The following SH3GL3 variants were observed in gnomAD, a reference collection of about 807,000 sequenced individuals.
The protein encoded by SH3GL3 is SH3 domain containing GRB2 like 3, endophilin A3.
A neutral mutation model predicts 47.7 loss-of-function variants in SH3GL3; 33 were observed. That is an observed-to-expected ratio of 0.69 (90% CI 0.52 to 0.92). The LOEUF is 0.92. Among genes scored for constraint, SH3GL3 ranks in the 40% least tolerant of loss-of-function variants. The pLI, the probability that SH3GL3 is intolerant of heterozygous loss-of-function variation, is 0.00. For synonymous variants in SH3GL3, 155 were observed against 148.8 expected (o/e 1.04, Z -0.30); for missense variants, 363 against 417.8 (o/e 0.87, Z 1.14).
chr15:83,573,016 A>G (rs1337968308), intron 5 of SH3GL3, among the ~76,000 whole-genome samples: 1 of 152,210 alleles, frequency 6.6e-6, no homozygotes. Flanking sequence ...TGGATTTCTT[A>G]TTATCAAAAT....
chr15:83,490,657 A>G (rs985167060), intron 1 of SH3GL3: 41 of 1,000,812 alleles, frequency 4.1e-5, no homozygotes, highest in Non-Finnish European at 5.1e-5. Flanking sequence ...CTGGCTTTCT[A>G]TCTGGGCAGG....
chr15:83,519,903 G>A (rs913740308), intron 1 of SH3GL3, among the ~76,000 whole-genome samples: 1 of 152,028 alleles, frequency 6.6e-6, no homozygotes, highest in Non-Finnish European at 1.5e-5. Flanking sequence ...ATTTAGTATT[G>A]TAAGTCAAGA....
chr15:83,515,501 T>G (rs1203839263), intron 1 of SH3GL3, among the ~76,000 whole-genome samples: 1 of 149,854 alleles, frequency 6.7e-6, no homozygotes, highest in Non-Finnish European at 1.5e-5. Context: ...TATTTTGTCC[T>G]GGGGTAAAGG....
downstream of SH3GL3, among the ~76,000 whole-genome samples, chr15:83,621,604 G>T (rs1460873189): frequency 6.6e-6 from 1 of 152,098 alleles, no homozygotes; most frequent in South Asian, 2.1e-4. Context: ...TTAATATATT[G>T]TAAGAATTAC....
At chr15:83,492,161 T>C (rs2151584224) in intron 1 of SH3GL3, among the ~76,000 whole-genome samples, 1 of 151,248 alleles carries the variant, frequency 6.6e-6, no homozygotes, top group South Asian at 2.1e-4. Flanking sequence ...CATGCGCCTG[T>C]AATCCCAGCT....
intron 1 of SH3GL3, among the ~76,000 whole-genome samples, chr15:83,521,157 A>T (rs965816820): frequency 6.6e-6 from 1 of 151,926 alleles, no homozygotes; most frequent in Admixed American, 6.6e-5. Flanking sequence ...ATGTAGATCT[A>T]TCTGCAATGG....
intron 8 of SH3GL3, among the ~76,000 whole-genome samples, chr15:83,591,897 T>A (rs111557264): frequency 0.026 from 3,970 of 152,120 alleles, 178 homozygotes; most frequent in African/African-American, 0.091. Flanking sequence ...GCGGTGTTGA[T>A]CTCCTGACCT....
intron 1 of SH3GL3, among the ~76,000 whole-genome samples, chr15:83,502,960 T>A (rs1234709529): frequency 6.6e-6 from 1 of 152,148 alleles, no homozygotes; most frequent in Non-Finnish European, 1.5e-5. Flanking sequence ...AACTTCTATT[T>A]CCTTTAGGAG....
chr15:83,508,705 G>T (rs548793841), intron 1 of SH3GL3, among the ~76,000 whole-genome samples: 1 of 152,198 alleles, frequency 6.6e-6, no homozygotes, highest in African/African-American at 2.4e-5. Flanking sequence ...AGCCTCCCAA[G>T]TAGCTGGGAT....
intron 1 of SH3GL3, among the ~76,000 whole-genome samples, chr15:83,534,303 T>A (rs975137280): frequency 2.0e-5 from 3 of 152,202 alleles, no homozygotes; most frequent in Non-Finnish European, 4.4e-5. Context: ...CTCTATAAAT[T>A]ACCCAATTGC....
At chr15:83,549,699 T>A (rs2044568164) in intron 1 of SH3GL3, among the ~76,000 whole-genome samples, 1 of 152,234 alleles carries the variant, frequency 6.6e-6, no homozygotes. Context: ...AAGAGGAAAT[T>A]GAACATAGCT....
chr15:83,512,203 A>G (rs2042788013), intron 1 of SH3GL3, among the ~76,000 whole-genome samples: 1 of 151,854 alleles, frequency 6.6e-6, no homozygotes, highest in South Asian at 2.1e-4. Flanking sequence ...TCTTATTGCC[A>G]AGGTCTTGGT....
intron 1 of SH3GL3, among the ~76,000 whole-genome samples, chr15:83,523,292 C>A (rs2043283504): frequency 6.6e-6 from 1 of 152,086 alleles, no homozygotes; most frequent in Non-Finnish European, 1.5e-5. Context: ...GCTAAAATGA[C>A]CCTGTGGAAA....
At chr15:83,460,850 C>T (rs1404227937) in intron 1 of SH3GL3, among the ~76,000 whole-genome samples, 4 of 152,144 alleles carry the variant, frequency 2.6e-5, no homozygotes, top group East Asian at 1.9e-4. Context: ...TTTGGGAGGC[C>T]GTGGCAGGCA....
chr15:83,462,036 A>G lies in SH3GL3; in HGVS notation c.45+14458A>G, dbSNP rs958993521. Among the ~76,000 whole-genome samples, 19 of 152,184 alleles carry G rather than the reference A, an allele frequency of 1.2e-4. 1 individual carries two copies. Among genetic ancestry groups the G allele is most frequent in the East Asian group, 1.9e-4 (1 of 5,198 alleles). On this transcript the variant is annotated intron_variant, in intron 1 of 8. Transcript: ENST00000427482. The stretch of plus-strand genomic sequence containing the variant: ...AATTCTTCTAGGTTCCTCTAATCCA[A>G]TTTTCTCCTATGGAATTTTTAAATA...
chr15:83,449,687 T>A (rs897508269), intron 1 of SH3GL3, among the ~76,000 whole-genome samples: 2 of 151,216 alleles, frequency 1.3e-5, no homozygotes, highest in East Asian at 3.9e-4. Flanking sequence ...ACATTAAAAA[T>A]GAAATGAACA....
At chr15:83,550,358 C>G (rs62027551) in intron 1 of SH3GL3, among the ~76,000 whole-genome samples, 22,455 of 152,080 alleles carry the variant, frequency 0.15, 1,807 homozygotes, top group Middle Eastern at 0.19. Flanking sequence ...TATATGTGCC[C>G]CTTTGGAAAT....
intron 6 of SH3GL3, among the ~76,000 whole-genome samples, chr15:83,586,028 G>C (rs1317512860): frequency 6.6e-6 from 1 of 152,206 alleles, no homozygotes; most frequent in Non-Finnish European, 1.5e-5. Context: ...ATGAAGTATG[G>C]AAATGATGCA....
rs942961812 is a variant in SH3GL3, at chr15:83,555,751, G to T, written c.46-3502G>T. ...AAGCAGAACTTGAACCCAGACTCTG[G>T]TCTCATGGAGCACTTTTAGATCCTT... On this transcript the variant is annotated intron_variant, in intron 1 of 8. Transcript: ENST00000427482. Among the ~76,000 whole-genome samples, 3 of 152,210 alleles carry T rather than the reference G, an allele frequency of 2.0e-5. No individual in the cohort carries two copies. The East Asian group carries it at 5.8e-4, about 29-fold the overall frequency.
Sources: gnomAD v4.1 joint callset for allele counts (sites outside exome capture counted in the v4.1 genomes callset) on GRCh38, gnomAD v4.1.1 for gene constraint, MANE v1.5 for transcripts, NCBI Gene and HGNC (gene_info 2026-07-23, HGNC 2026-07-21) for gene names.